Variants in YY1AP1 observed in about 807,000 individuals in gnomAD.
The protein encoded by YY1AP1 is YY1-associated protein 1.
In YY1AP1, 43 loss-of-function variants were observed where a neutral mutation model predicts 39.9. The observed-to-expected ratio is 1.08, with a 90% CI of 0.84 to 1.39. The LOEUF (loss-of-function observed/expected upper bound fraction) is 1.39. Among genes scored for constraint, YY1AP1 ranks in the 40% most tolerant of loss-of-function variants. The pLI is 0.00. For missense variants in YY1AP1, 813 were observed against 900.7 expected (o/e 0.90, Z 1.25); for synonymous variants, 292 against 331.3 (o/e 0.88, Z 1.29).
chr1:155,682,023 T>G (rs999288841), intron 2 of YY1AP1, among the ~76,000 whole-genome samples: 1 of 152,052 alleles, frequency 6.6e-6, no homozygotes, highest in Non-Finnish European at 1.5e-5. Context: ...CACAACTCAC[T>G]AAGTCTCCAG....
chr1:155,688,975 A>G (rs147058489), upstream of YY1AP1: 3 of 1,607,114 alleles, frequency 1.9e-6, no homozygotes, highest in African/African-American at 1.3e-5. Flanking sequence ...CTCCTCCTCC[A>G]TGGGACCGCG....
At chr1:155,666,722 A>G (rs1649063914) in intron 9 of YY1AP1, among the ~76,000 whole-genome samples, 1 of 151,974 alleles carries the variant, frequency 6.6e-6, no homozygotes. Context: ...GTTTTTTGCC[A>G]GGCACAGAGG....
intron 9 of YY1AP1, among the ~76,000 whole-genome samples, chr1:155,667,684 T>C (rs1215804445): frequency 6.6e-6 from 1 of 151,158 alleles, no homozygotes; most frequent in Non-Finnish European, 1.5e-5. Context: ...CAGCTGGGCA[T>C]GGTGGCAGGG....
intron 6 of YY1AP1, 84 bp from the exon 7 acceptor site, chr1:155,672,815 A>C (rs1650062816): frequency 6.3e-7 from 1 of 1,589,034 alleles, no homozygotes; most frequent in Non-Finnish European, 8.6e-7. Flanking sequence ...TGAGAAGCTG[A>C]CCTTCCTACT....
chr1:155,664,449 G>C (rs1648643841), intron 9 of YY1AP1, among the ~76,000 whole-genome samples: 1 of 152,068 alleles, frequency 6.6e-6, no homozygotes, highest in African/African-American at 2.4e-5. Context: ...AAACTGGCCA[G>C]ACATGGAGGA....
intron 9 of YY1AP1, 65 bp from the exon 10 acceptor site, chr1:155,661,488 G>C (rs1218192815): frequency 2.5e-6 from 4 of 1,610,324 alleles, no homozygotes; most frequent in Non-Finnish European, 2.5e-6. Context: ...TGTCAGGCTG[G>C]TGAATGGGGT....
chr1:155,667,366 T>C (rs1045587319), intron 9 of YY1AP1, among the ~76,000 whole-genome samples: 1 of 152,004 alleles, frequency 6.6e-6, no homozygotes, highest in African/African-American at 2.4e-5. Context: ...CGGCTAGCCT[T>C]GGTGGCATGC....
In YY1AP1 at chr1:155,660,695, T is replaced by A. The variant is rs772826508; in HGVS notation, c.1215A>T (p.Arg405Ser). 2 of 1,614,156 alleles carry A rather than the reference T, an allele frequency of 1.2e-6. No individual in the cohort carries two copies. The highest frequency in any genetic ancestry group is 1.7e-6 in the Non-Finnish European group (2 of 1,180,036). Residue 405 changes from arginine to serine, a missense_variant, in exon 11 of 11, where the codon AGA becomes AGT. Transcript: ENST00000355499. ...GTTTCAGGACTGATGAACGCTTCTG[T>A]CTCCAAGCCTTCTTGGGGAAACGGT... Reference protein sequence around the residue: ...VADRFPKKAWRQKRSSVLKPL... With the variant: ...VADRFPKKAWSQKRSSVLKPL...
At chr1:155,684,655 C>T (rs1651971069) in intron 2 of YY1AP1, among the ~76,000 whole-genome samples, 1 of 150,762 alleles carries the variant, frequency 6.6e-6, no homozygotes, top group Non-Finnish European at 1.5e-5. Context: ...ACTGCAACTT[C>T]CCCCTCCCAG....
intron 8 of YY1AP1, among the ~76,000 whole-genome samples, chr1:155,669,263 T>C (rs1230852781): frequency 6.6e-6 from 1 of 152,136 alleles, no homozygotes; most frequent in Non-Finnish European, 1.5e-5. Context: ...ATCTTGAACT[T>C]CTGGCCTCAA....
intron 7 of YY1AP1, chr1:155,670,708 C>G (rs1649725410): frequency 1.0e-5 from 4 of 400,070 alleles, no homozygotes; most frequent in Non-Finnish European, 1.8e-5. Context: ...CGGAGTCTGG[C>G]TCTGTCGCCC....
intron 5 of YY1AP1, 63 bp from the exon 6 acceptor site, chr1:155,675,159 GA>G: frequency 1.3e-6 from 2 of 1,515,428 alleles, no homozygotes; most frequent in Non-Finnish European, 1.8e-6. Flanking sequence ...GGAGCCCAGA[GA>G]TATTTTTTTT....
At chr1:155,666,786 G>C (rs1033769745) in intron 9 of YY1AP1, among the ~76,000 whole-genome samples, 8 of 152,014 alleles carry the variant, frequency 5.3e-5, no homozygotes, top group African/African-American at 1.9e-4. Context: ...GATCACCTGA[G>C]ATCAGGAGTT....
At position 155,659,796 on chromosome 1, in the gene YY1AP1, GT is replaced by G; in HGVS notation, c.2113del (p.Thr705GlnfsTer19). 1.2e-6 allele frequency: 2 copies of G among 1,614,190 alleles called. No homozygotes were observed. The highest frequency in any genetic ancestry group is 1.1e-5 in the South Asian group (1 of 91,082). ...CTCCAGAGCTTGCCTTCCCTCCTCT[GT>G]TTTCACAACGGTCCAGCGATAGGCA... is the stretch of plus-strand genomic sequence containing the variant. ...NSAYRWTVVKTEEGRQALEPL... is the reference protein window; with the variant it reads ...NSAYRWTVVKXEEGRQALEPL... On this transcript the variant is annotated frameshift_variant, in exon 11 of 11. Coordinates refer to ENST00000355499, the MANE Select transcript of YY1AP1 (RefSeq NM_139119.3). LOFTEE classifies it low-confidence loss of function (END_TRUNC).
intron 6 of YY1AP1, among the ~76,000 whole-genome samples, chr1:155,674,103 G>C (rs1650260285): frequency 6.9e-6 from 1 of 145,370 alleles, no homozygotes; most frequent in Admixed American, 6.8e-5. Context: ...GGAGCTTGCA[G>C]TGAGCCGAGA....
chr1:155,659,810 C>A lies in YY1AP1; in HGVS notation c.2100G>T (p.Trp700Cys). ...TTCCCTCCTCTGTTTTCACAACGGT[C>A]CAGCGATAGGCACTGTTCTCTGACA... is the stretch of plus-strand genomic sequence containing the variant. ...EGLSENSAYR[W>C]TVVKTEEGRQ... The change falls in exon 11 of 11, where the codon TGG becomes TGT. Residue 700 changes from tryptophan to cysteine, a missense_variant. Trp to Cys is a radical substitution (Grantham distance 215, BLOSUM62 -2). Transcript: ENST00000355499. The A allele has an allele frequency of 1.2e-6, 2 of 1,614,182 alleles. No homozygotes were observed. The highest frequency in any genetic ancestry group is 1.7e-6 in the Non-Finnish European group (2 of 1,180,046).
Position 155,686,643 on chromosome 1 carries a change from A to T in YY1AP1, c.-21+1428T>A, listed in dbSNP as rs530714993. 7.3e-4 allele frequency among the ~76,000 whole-genome samples: 111 copies of T among 152,326 alleles called. 3 individuals carry two copies. The South Asian group carries it at 0.022, about 30-fold the overall frequency. On this transcript the variant is annotated intron_variant, in intron 2 of 10. Coordinates refer to ENST00000355499, the MANE Select transcript of YY1AP1 (RefSeq NM_139119.3). ...TCCTTCCTCCCACAGATTTCAAGTT[A>T]AGCTGTCAGCACCCATGCAGCTGCT...
chr1:155,687,874 G>A (rs1652723051), intron 2 of YY1AP1, 197 bp downstream of exon 2: 3 of 571,902 alleles, frequency 5.2e-6, no homozygotes, highest in Non-Finnish European at 8.9e-6. Context: ...CTGCCTGTCA[G>A]GGACACCCCT....
chr1:155,673,276 A>G (rs1650126171), intron 6 of YY1AP1, among the ~76,000 whole-genome samples: 1 of 152,114 alleles, frequency 6.6e-6, no homozygotes, highest in South Asian at 2.1e-4. Flanking sequence ...GGCCTCTCAT[A>G]GTGCTGGGAT....
Sources: allele counts gnomAD v4.1 joint callset (sites outside exome capture counted in the v4.1 genomes callset), GRCh38; gene constraint gnomAD v4.1.1; transcripts MANE v1.5; gene names NCBI Gene and HGNC (gene_info 2026-07-23, HGNC 2026-07-21).